Variants in TTC28 observed in about 807,000 individuals in gnomAD.
TTC28 encodes tetratricopeptide repeat domain 28, also known as tetratricopeptide repeat protein 28.
In TTC28, 61 loss-of-function variants were observed where a neutral mutation model predicts 198.0. The ratio of observed to expected loss-of-function variants is 0.31; its 90% CI spans 0.25 to 0.38. TTC28 has a LOEUF of 0.38. Ranked by LOEUF, TTC28 falls within the 10% of genes least tolerant of loss-of-function variation. The pLI, the probability that TTC28 is intolerant of heterozygous loss-of-function variation, is 1.00. For synonymous variants in TTC28, 1,171 were observed against 1,297.8 expected (o/e 0.90, Z 2.10); for missense variants, 2,678 against 3,164.0 (o/e 0.85, Z 3.69).
intron 1 of TTC28, among the ~76,000 whole-genome samples, chr22:28,652,720 A>T (rs1271002354): frequency 6.6e-6 from 1 of 152,200 alleles, no homozygotes; most frequent in Non-Finnish European, 1.5e-5. Flanking sequence ...TTCTTCAAAA[A>T]AATCTAGTTT....
chr22:28,242,735 T>G (rs1479657088), intron 5 of TTC28, among the ~76,000 whole-genome samples: 2 of 152,186 alleles, frequency 1.3e-5, no homozygotes, highest in Admixed American at 6.5e-5. Flanking sequence ...ATTAACCAAC[T>G]AATTACTGGT....
At chr22:28,342,054 A>C (rs527701024) in intron 2 of TTC28, among the ~76,000 whole-genome samples, 1 of 152,308 alleles carries the variant, frequency 6.6e-6, no homozygotes, top group African/African-American at 2.4e-5. Context: ...TTGTACTCTG[A>C]ACATGTTTAA....
chr22:28,401,560 A>T (rs2046909511), intron 2 of TTC28, among the ~76,000 whole-genome samples: 1 of 152,148 alleles, frequency 6.6e-6, no homozygotes, highest in Non-Finnish European at 1.5e-5. Context: ...AGTTGCAGTG[A>T]GCTGAGATCG....
chr22:28,518,710 A>C (rs2048840239), intron 2 of TTC28, among the ~76,000 whole-genome samples: 1 of 152,254 alleles, frequency 6.6e-6, no homozygotes, highest in Non-Finnish European at 1.5e-5. Context: ...AGACAAACTT[A>C]TGTGGAAGTA....
At chr22:28,292,097 T>C (rs2044798997) in intron 5 of TTC28, among the ~76,000 whole-genome samples, 1 of 152,246 alleles carries the variant, frequency 6.6e-6, no homozygotes, top group African/African-American at 2.4e-5. Context: ...TAATTAGTTA[T>C]TTTCATGTAA....
At chr22:28,267,362 A>C (rs1440709313) in intron 5 of TTC28, among the ~76,000 whole-genome samples, 1 of 152,214 alleles carries the variant, frequency 6.6e-6, no homozygotes, top group African/African-American at 2.4e-5. Flanking sequence ...TCAATGTGGA[A>C]GAAAGTTTAT....
intron 12 of TTC28, among the ~76,000 whole-genome samples, chr22:28,044,590 C>T (rs1177750059): frequency 6.6e-6 from 1 of 152,140 alleles, no homozygotes; most frequent in African/African-American, 2.4e-5. Flanking sequence ...TCTCCTAATG[C>T]TATCCCTCCC....
chr22:28,178,102 G>A (rs1271374404), intron 5 of TTC28, among the ~76,000 whole-genome samples: 1 of 152,048 alleles, frequency 6.6e-6, no homozygotes, highest in East Asian at 1.9e-4. Context: ...AGAGAGAAAG[G>A]GTATGTGGAA....
chr22:28,627,496 A>C (rs931713299), intron 2 of TTC28, among the ~76,000 whole-genome samples: 1 of 147,306 alleles, frequency 6.8e-6, no homozygotes, highest in African/African-American at 2.5e-5. Context: ...CAGTGGTGCG[A>C]TCTCAGCTCA....
chr22:28,568,792 T>G (rs913478936), intron 2 of TTC28, among the ~76,000 whole-genome samples: 1 of 152,186 alleles, frequency 6.6e-6, no homozygotes, highest in Non-Finnish European at 1.5e-5. Flanking sequence ...ATTTACAGAT[T>G]TAATGCTATT....
intron 1 of TTC28, among the ~76,000 whole-genome samples, chr22:28,649,798 A>C (rs1334832075): frequency 6.6e-6 from 1 of 152,230 alleles, no homozygotes; most frequent in East Asian, 1.9e-4. Flanking sequence ...AATTCAACCA[A>C]GTTACAAATA....
intron 2 of TTC28, among the ~76,000 whole-genome samples, chr22:28,360,550 TACAACGGTATCCTTCTCACTAAG>T (rs1435927723): frequency 8.5e-5 from 13 of 152,326 alleles, no homozygotes; most frequent in Admixed American, 6.5e-4. Context: ...CAAAGCTGAG[TACAACGGTATCCTTCTCACTAAG>T]ACAACAATAG....
chr22:28,111,946 C>T (rs530656099), intron 6 of TTC28, among the ~76,000 whole-genome samples: 72 of 152,238 alleles, frequency 4.7e-4, no homozygotes, highest in African/African-American at 1.6e-3. Context: ...CCTCATCCTA[C>T]AGGAAACTGG....
intron 2 of TTC28, among the ~76,000 whole-genome samples, chr22:28,529,090 G>A (rs1463463036): frequency 6.6e-6 from 1 of 152,196 alleles, no homozygotes; most frequent in Non-Finnish European, 1.5e-5. Context: ...CCCACAGAGT[G>A]TGAGCCGAAG....
At chr22:28,184,784 G>A (rs886785210) in intron 5 of TTC28, among the ~76,000 whole-genome samples, 1 of 151,956 alleles carries the variant, frequency 6.6e-6, no homozygotes, top group Non-Finnish European at 1.5e-5. Context: ...CTAAAAATAT[G>A]TGCTAAGTTT....
At position 28,105,306 on chromosome 22, in the gene TTC28, A is replaced by G. The variant is rs575199392; in HGVS notation, c.3280T>C (p.Ser1094Pro). Residue 1094 changes from serine (S) to proline (P), a missense_variant, in exon 8 of 23, where the codon TCC (serine) becomes CCC (proline). Around this residue, in one of 8 missense-constraint regions of TTC28, gnomAD observed 727 missense variants for 861.9 expected, o/e 0.84. Transcript: ENST00000397906. The part of the protein sequence containing the change: ...GRTHHALQNY[S>P]QAVMYLQEGL... ...TCCTGTAAGTACATGACTGCTTGGG[A>G]ATAGTTCTGCAAGGCATGATGGGTC... 5 of 1,551,658 alleles carry G rather than the reference A, an allele frequency of 3.2e-6. No homozygotes were observed. The South Asian group carries it at 5.9e-5, about 18-fold the overall frequency.
intron 2 of TTC28, among the ~76,000 whole-genome samples, chr22:28,619,850 GTAAAA>G (rs1401415604): frequency 6.6e-6 from 1 of 152,126 alleles, no homozygotes; most frequent in Admixed American, 6.5e-5. Context: ...TGGAAAAATG[GTAAAA>G]TAATAGATGC....
intron 5 of TTC28, among the ~76,000 whole-genome samples, chr22:28,173,802 G>A (rs532821227): frequency 6.6e-6 from 1 of 152,142 alleles, no homozygotes; most frequent in African/African-American, 2.4e-5. Context: ...TAAATATTAT[G>A]CTGAAGATTT....
rs1024880563 is a variant in TTC28, at chr22:28,272,921, A to C, written c.933+23277T>G. On this transcript the variant is annotated intron_variant, in intron 5 of 22. Coordinates refer to ENST00000397906, the MANE Select transcript of TTC28 (RefSeq NM_001145418.2). ...AGTAGCATACACCTAGAGGAGAAGAAGACAAATAGAAAGTAACTGCAATAA... is the reference window on the plus strand; with the variant it reads ...AGTAGCATACACCTAGAGGAGAAGACGACAAATAGAAAGTAACTGCAATAA... 3.3e-5 allele frequency among the ~76,000 whole-genome samples: 5 copies of C among 152,326 alleles called. No homozygotes were observed. The South Asian group carries it at 6.2e-4, about 19-fold the overall frequency.
Sources: allele counts gnomAD v4.1 joint callset (sites outside exome capture counted in the v4.1 genomes callset), GRCh38; gene constraint gnomAD v4.1.1; regional missense constraint gnomAD v4.1.1; transcripts MANE v1.5; gene names NCBI Gene and HGNC (gene_info 2026-07-23, HGNC 2026-07-21).